Variants in SORCS2 observed in about 807,000 individuals in gnomAD.
The protein encoded by SORCS2 is VPS10 domain-containing receptor SorCS2.
SORCS2 carries 100 observed loss-of-function variants against 141.6 expected under a neutral mutation model. That is an observed-to-expected ratio of 0.71 (90% CI 0.60 to 0.83). The LOEUF (loss-of-function observed/expected upper bound fraction) is 0.83. SORCS2 is among the 40% of genes least tolerant of loss of function. The pLI, the probability that SORCS2 is intolerant of heterozygous loss-of-function variation, is 0.00. For missense variants in SORCS2, 1,646 were observed against 1,560.2 expected (o/e 1.05, Z -0.93); for synonymous variants, 789 against 676.9 (o/e 1.17, Z -2.57).
chr4:7,399,245 C>T (rs1442539448), intron 2 of SORCS2, among the ~76,000 whole-genome samples: 1 of 151,934 alleles, frequency 6.6e-6, no homozygotes, highest in East Asian at 1.9e-4. Context: ...CTTCCTCCCA[C>T]CCCCACCCTC....
At chr4:7,492,498 C>A (rs77487444) in intron 2 of SORCS2, among the ~76,000 whole-genome samples, 1,922 of 152,328 alleles carry the variant, frequency 0.013, 16 homozygotes, top group Middle Eastern at 0.027. Context: ...CAGGAGGATT[C>A]CGGGTGAACG....
At chr4:7,464,231 C>T (rs559656552) in intron 2 of SORCS2, among the ~76,000 whole-genome samples, 19 of 152,310 alleles carry the variant, frequency 1.2e-4, no homozygotes, top group Non-Finnish European at 2.2e-4. Flanking sequence ...CCCAACTACC[C>T]ATGAGTGAGC....
At chr4:7,510,627 G>A (rs113963879) in intron 2 of SORCS2, among the ~76,000 whole-genome samples, 4 of 150,714 alleles carry the variant, frequency 2.7e-5, no homozygotes, top group African/African-American at 7.3e-5. Context: ...ATGCCACCCC[G>A]GGGCCGGCGC....
intron 2 of SORCS2, among the ~76,000 whole-genome samples, chr4:7,507,842 T>A (rs1017672717): frequency 1.3e-5 from 2 of 152,134 alleles, no homozygotes; most frequent in Non-Finnish European, 2.9e-5. Context: ...CCAAAATAAA[T>A]TTTAGGCAGA....
At chr4:7,469,116 G>A (rs1048068192) in intron 2 of SORCS2, among the ~76,000 whole-genome samples, 3 of 138,550 alleles carry the variant, frequency 2.2e-5, no homozygotes, top group Admixed American at 6.8e-5. Flanking sequence ...TGGTGGTGGT[G>A]ATGGTGCTGA....
intron 1 of SORCS2, among the ~76,000 whole-genome samples, chr4:7,248,753 G>A (rs1486563288): frequency 6.6e-6 from 1 of 152,180 alleles, no homozygotes; most frequent in African/African-American, 2.4e-5. Context: ...ATCAGACTTT[G>A]GCAAAAATAA....
chr4:7,373,475 TATA>T (rs1465831429), intron 1 of SORCS2, among the ~76,000 whole-genome samples: 2 of 71,510 alleles, frequency 2.8e-5, no homozygotes, highest in Admixed American at 1.6e-4. Context: ...TATATATATA[TATA>T]TTTTTTTTTT....
intron 12 of SORCS2, among the ~76,000 whole-genome samples, chr4:7,701,616 G>A (rs1401177676): frequency 2.6e-5 from 4 of 152,160 alleles, no homozygotes; most frequent in Non-Finnish European, 5.9e-5. Context: ...TGGGGTTGAG[G>A]AGCATGGGGG....
At chr4:7,698,822 T>C (rs1382680178) in intron 12 of SORCS2, among the ~76,000 whole-genome samples, 1 of 148,758 alleles carries the variant, frequency 6.7e-6, no homozygotes, top group African/African-American at 2.5e-5. Flanking sequence ...GGCCTGTGCG[T>C]GTGGCAGGGG....
intron 3 of SORCS2, among the ~76,000 whole-genome samples, chr4:7,576,606 A>C (rs751942423): frequency 6.6e-6 from 1 of 152,210 alleles, no homozygotes; most frequent in Admixed American, 6.5e-5. Context: ...CTGGTGCTCA[A>C]AGGCCTGTTG....
intron 2 of SORCS2, among the ~76,000 whole-genome samples, chr4:7,466,271 C>G (rs1729609688): frequency 6.6e-6 from 1 of 152,122 alleles, no homozygotes; most frequent in Non-Finnish European, 1.5e-5. Flanking sequence ...GCTCCTGCCT[C>G]CTTGTGGCTC....
intron 3 of SORCS2, among the ~76,000 whole-genome samples, chr4:7,620,830 A>C (rs1216008217): frequency 1.6e-4 from 25 of 152,066 alleles, no homozygotes. Context: ...TCTCCCCTGC[A>C]CTCAGGGCAT....
At chr4:7,680,169 C>G (rs10937850) in intron 9 of SORCS2, among the ~76,000 whole-genome samples, 59,423 of 152,140 alleles carry the variant, frequency 0.39, 12,002 homozygotes, top group African/African-American at 0.46. Context: ...ACACAGCAAA[C>G]GATGTGCAGC....
At chr4:7,728,307 G>T in intron 21 of SORCS2, 43 bp from the exon 22 acceptor site, 1 of 1,492,612 alleles carries the variant, frequency 6.7e-7, no homozygotes. Context: ...TCAGAGCCAG[G>T]CTGTCCAGAA....
intron 18 of SORCS2, among the ~76,000 whole-genome samples, chr4:7,721,150 T>C (rs1292856188): frequency 6.6e-6 from 1 of 152,098 alleles, no homozygotes; most frequent in African/African-American, 2.4e-5. Context: ...CATGCTGCAG[T>C]GAGAAGGAAT....
chr4:7,676,224 C>CTGGAGGTGGGTCCAGGG lies in SORCS2; in HGVS notation c.1341_1341+16dup. The CTGGAGGTGGGTCCAGGG allele has an allele frequency of 3.2e-6, 5 of 1,550,630 alleles. No homozygotes were observed. Among genetic ancestry groups the CTGGAGGTGGGTCCAGGG allele is most frequent in the Non-Finnish European group, 4.4e-6 (5 of 1,146,988 alleles). ...GGAGGAGAGCGTGCTCATCGACATC[C>CTGGAGGTGGGTCCAGGG]TGGAGGTGGGTCCAGGGTGGATGTG... On this transcript the variant is annotated frameshift_variant, in exon 9 of 27. Coordinates refer to ENST00000507866, the MANE Select transcript of SORCS2 (RefSeq NM_020777.3). LOFTEE classifies it high-confidence loss of function.
intron 3 of SORCS2, among the ~76,000 whole-genome samples, chr4:7,594,122 A>G (rs1577808119): frequency 6.6e-6 from 1 of 152,208 alleles, no homozygotes; most frequent in African/African-American, 2.4e-5. Context: ...CTAGAGGAAT[A>G]AACAACACAG....
chr4:7,214,581 G>A (rs7680735), intron 1 of SORCS2, among the ~76,000 whole-genome samples: 48,257 of 152,174 alleles, frequency 0.32, 8,364 homozygotes, highest in Non-Finnish European at 0.39. Flanking sequence ...CACTGACTGC[G>A]TGCAGGAAGG....
intron 3 of SORCS2, among the ~76,000 whole-genome samples, chr4:7,606,218 G>A (rs1718053342): frequency 6.6e-6 from 1 of 152,180 alleles, no homozygotes; most frequent in African/African-American, 2.4e-5. Context: ...CTACAGGAGA[G>A]TTATTGCAGT....
Sources: gnomAD v4.1 joint callset for allele counts (sites outside exome capture counted in the v4.1 genomes callset) on GRCh38, gnomAD v4.1.1 for gene constraint, MANE v1.5 for transcripts, NCBI Gene and HGNC (gene_info 2026-07-23, HGNC 2026-07-21) for gene names.